PPP1R1C: variants seen among roughly 807,000 people sequenced by gnomAD.
PPP1R1C encodes the protein protein phosphatase 1 regulatory subunit 1C.
PPP1R1C carries 15 observed loss-of-function variants against 17.4 expected under a neutral mutation model. The observed-to-expected ratio is 0.86, with a 90% confidence interval of 0.58 to 1.33. The LOEUF is 1.33. Among genes scored for constraint, PPP1R1C ranks in the 40% most tolerant of loss-of-function variants. PPP1R1C has a pLI of 0.00. For synonymous variants in PPP1R1C, 35 were observed against 43.1 expected (o/e 0.81, Z 0.73); for missense variants, 143 against 130.0 (o/e 1.10, Z -0.48).
chr2:182,051,025 G>A (rs553157161), intron 2 of PPP1R1C, among the ~76,000 whole-genome samples: 20 of 152,280 alleles, frequency 1.3e-4, no homozygotes, highest in Admixed American at 8.5e-4. Flanking sequence ...ATGATGCAGC[G>A]AGATACACAG....
At chr2:181,963,794 T>C (rs1684852639) in intron 1 of PPP1R1C, among the ~76,000 whole-genome samples, 1 of 149,580 alleles carries the variant, frequency 6.7e-6, no homozygotes, top group South Asian at 2.1e-4. Context: ...TTTTGCTTGT[T>C]TTTTTTTTAA....
chr2:182,085,925 C>T (rs1688614192), intron 4 of PPP1R1C, among the ~76,000 whole-genome samples: 2 of 151,938 alleles, frequency 1.3e-5, no homozygotes, highest in South Asian at 4.1e-4. Context: ...CATAAGAAAA[C>T]CCCTAGATGG....
intron 2 of PPP1R1C, among the ~76,000 whole-genome samples, chr2:182,038,585 C>T (rs1687086922): frequency 6.6e-6 from 1 of 152,214 alleles, no homozygotes; most frequent in African/African-American, 2.4e-5. Flanking sequence ...AGGTTGAAAC[C>T]CTTCAAGATT....
chr2:181,992,300 A>G (rs115400601), intron 2 of PPP1R1C, among the ~76,000 whole-genome samples: 4,375 of 110,704 alleles, frequency 0.04, 1,035 homozygotes, highest in Non-Finnish European at 0.067. Context: ...TCTCTGCAAT[A>G]AAAAGTCATT....
intron 2 of PPP1R1C, among the ~76,000 whole-genome samples, chr2:181,992,156 A>G (rs1364478942): frequency 6.6e-6 from 1 of 152,208 alleles, no homozygotes; most frequent in South Asian, 2.1e-4. Flanking sequence ...TCCATTTTAT[A>G]TACCTCAGAG....
intron 4 of PPP1R1C, among the ~76,000 whole-genome samples, chr2:182,069,181 G>C (rs547079713): frequency 1.3e-5 from 2 of 151,992 alleles, no homozygotes; most frequent in African/African-American, 4.8e-5. Context: ...TTTGTTTACT[G>C]TGTAGGGTGG....
At position 182,058,131 on chromosome 2, in the gene PPP1R1C, C is replaced by CT. The variant is rs538684421; in HGVS notation, c.143-3304dup. Among the ~76,000 whole-genome samples, 18 of 151,902 alleles carry CT rather than the reference C, an allele frequency of 1.2e-4. No homozygotes were observed. The East Asian group carries it at 2.9e-3, about 25-fold the overall frequency. On this transcript the variant is annotated intron_variant, in intron 2 of 4. Transcript: ENST00000682840. Reference sequence around the variant, plus strand: ...GTTTATTGAGATAGTTTTATAATGCCTTTTTTTCTGTTCCAGAATCCCATT... The same window carrying CT: ...GTTTATTGAGATAGTTTTATAATGCCTTTTTTTTCTGTTCCAGAATCCCATT...
intron 2 of PPP1R1C, among the ~76,000 whole-genome samples, chr2:182,013,683 C>G (rs1253332953): frequency 2.6e-5 from 4 of 152,188 alleles, no homozygotes; most frequent in African/African-American, 9.6e-5. Context: ...CCTTTTGAGG[C>G]TATTTTCTAG....
At chr2:182,065,457 A>G (rs1687959443) in intron 4 of PPP1R1C, among the ~76,000 whole-genome samples, 1 of 152,172 alleles carries the variant, frequency 6.6e-6, no homozygotes, top group Non-Finnish European at 1.5e-5. Flanking sequence ...AAAAAGATGA[A>G]AGAACAAAGG....
chr2:182,044,168 A>G (rs1687272631), intron 2 of PPP1R1C, among the ~76,000 whole-genome samples: 1 of 152,216 alleles, frequency 6.6e-6, no homozygotes, highest in Admixed American at 6.5e-5. Context: ...TGTATCCAGG[A>G]TGGACTCCTC....
intron 4 of PPP1R1C, among the ~76,000 whole-genome samples, chr2:182,096,375 A>G (rs1688937133): frequency 6.6e-6 from 1 of 152,190 alleles, no homozygotes; most frequent in Non-Finnish European, 1.5e-5. Context: ...GGAGAAAGAC[A>G]GAGTGACCTT....
intron 4 of PPP1R1C, among the ~76,000 whole-genome samples, chr2:182,111,851 A>G (rs1262752203): frequency 6.6e-6 from 1 of 152,000 alleles, no homozygotes; most frequent in Non-Finnish European, 1.5e-5. Flanking sequence ...TTCTAAGCCC[A>G]CTGAAATCAC....
chr2:182,028,189 G>T lies in PPP1R1C; in HGVS notation c.143-33253G>T, dbSNP rs1199917305. Among the ~76,000 whole-genome samples, 4 of 125,578 alleles carry T rather than the reference G, an allele frequency of 3.2e-5. No homozygotes were observed. The South Asian group carries it at 1.2e-3, about 38-fold the overall frequency. 82.4% of individuals were successfully genotyped at this position (125,578 alleles called of 152,430 possible). The stretch of plus-strand genomic sequence containing the variant: ...TCCTGGATTCATTAATTTTTTGAAG[G>T]GTTTTTTGTGTCTCTATTTCCTTCA... On this transcript the variant is annotated intron_variant, in intron 2 of 4. Coordinates refer to ENST00000682840, the MANE Select transcript of PPP1R1C (RefSeq NM_001080545.3).
chr2:181,985,391 C>G (rs1685271838), upstream of PPP1R1C, among the ~76,000 whole-genome samples: 1 of 152,186 alleles, frequency 6.6e-6, no homozygotes, highest in Non-Finnish European at 1.5e-5. This position sits in a 1 kb window ranked among gnomAD's most constrained non-coding sequence, Gnocchi z 4.1. Context: ...GGAACTCGAA[C>G]TAAGATCTGC....
chr2:182,037,779 TAC>T (rs1687057462), intron 2 of PPP1R1C, among the ~76,000 whole-genome samples: 1 of 152,092 alleles, frequency 6.6e-6, no homozygotes, highest in Non-Finnish European at 1.5e-5. Context: ...CAAAATCTAT[TAC>T]AGACATCTCA....
At chr2:181,981,351 G>C (rs1685191502), upstream of PPP1R1C, among the ~76,000 whole-genome samples, 1 of 152,214 alleles carries the variant, frequency 6.6e-6, no homozygotes. Context: ...TGGGAATTCA[G>C]ATTTTAATAT....
intron 2 of PPP1R1C, among the ~76,000 whole-genome samples, chr2:182,004,240 C>G (rs143454376): frequency 6.6e-6 from 1 of 152,282 alleles, no homozygotes; most frequent in African/African-American, 2.4e-5. Context: ...GTATGTTTAA[C>G]TTTACAATTA....
At chr2:182,066,112 T>C (rs2125200577) in intron 4 of PPP1R1C, among the ~76,000 whole-genome samples, 1 of 152,284 alleles carries the variant, frequency 6.6e-6, no homozygotes. Flanking sequence ...TCTTATCAGC[T>C]TTTTGTGGCA....
At chr2:182,113,765 C>T (rs1387763788) in intron 4 of PPP1R1C, among the ~76,000 whole-genome samples, 2 of 151,908 alleles carry the variant, frequency 1.3e-5, no homozygotes, top group Non-Finnish European at 1.5e-5. Context: ...TCTTGGAAAC[C>T]TTTACTCTTT....
Sources: allele counts gnomAD v4.1 joint callset (sites outside exome capture counted in the v4.1 genomes callset), GRCh38; gene constraint gnomAD v4.1.1; non-coding constraint Gnocchi (gnomAD v3.1); transcripts MANE v1.5; gene names NCBI Gene and HGNC (gene_info 2026-07-23, HGNC 2026-07-21).